The following CSMD1 variants were observed in gnomAD, a reference collection of about 807,000 sequenced individuals.
CSMD1 encodes CUB and sushi domain-containing protein 1.
CSMD1 carries 213 observed loss-of-function variants against 417.5 expected under a neutral mutation model. The observed-to-expected ratio is 0.51, with a 90% CI of 0.46 to 0.57. The LOEUF (loss-of-function observed/expected upper bound fraction) is 0.57. Among genes scored for constraint, CSMD1 ranks in the 20% least tolerant of loss-of-function variants. The probability of loss-of-function intolerance (pLI) is 0.00; values close to 1 mark genes in which losing one functional copy is unlikely to be tolerated. For synonymous variants in CSMD1, 2,862 were observed against 1,736.8 expected (o/e 1.65, Z -16.11); for missense variants, 6,923 against 4,529.7 (o/e 1.53, Z -15.17).
chr8:3,926,094 C>CACACACACACAAACACCATACAT (rs1809676350), intron 5 of CSMD1, among the ~76,000 whole-genome samples: 9 of 59,918 alleles, frequency 1.5e-4, no homozygotes, highest in African/African-American at 9.1e-4. Flanking sequence ...CACACACACA[C>CACACACACACAAACACCATACAT]ACACACACAC....
chr8:3,701,392 G>C (rs193135079), intron 7 of CSMD1, among the ~76,000 whole-genome samples: 6 of 152,252 alleles, frequency 3.9e-5, no homozygotes, highest in East Asian at 3.9e-4. Context: ...ATCCCAGAGA[G>C]AGAACAGTTG....
intron 25 of CSMD1, among the ~76,000 whole-genome samples, chr8:3,305,008 C>T (rs1165404994): frequency 6.6e-6 from 1 of 152,098 alleles, no homozygotes; most frequent in Non-Finnish European, 1.5e-5. Flanking sequence ...TCAAATCTAG[C>T]ATTTGTGAAT....
chr8:4,566,968 C>G (rs1366527180), intron 2 of CSMD1, among the ~76,000 whole-genome samples: 1 of 152,056 alleles, frequency 6.6e-6, no homozygotes, highest in African/African-American at 2.4e-5. Flanking sequence ...TTAGCAGTCT[C>G]TGGAGAAAAC....
Position 3,052,484 on chromosome 8 carries a change from C to G in CSMD1, c.7638G>C (p.Lys2546Asn). 6.3e-7 allele frequency: 1 copy of G among 1,585,862 alleles called. No homozygotes were observed. The highest frequency in any genetic ancestry group is 1.3e-5 in the African/African-American group (1 of 74,572). The change falls in exon 50 of 70, where the codon AAG (lysine) becomes AAC (asparagine). Residue 2546 changes from lysine (K) to asparagine (N), a missense_variant. Coordinates refer to ENST00000635120, the MANE Select transcript of CSMD1 (RefSeq NM_033225.6). ...TACGCTTACACGTGGGCGGCTTCCC[C>G]TTGTTACTCCACAACCCATCTTCTT... is the stretch of plus-strand genomic sequence containing the variant. Reference protein sequence around the residue: ...VCQEDGLWSNKGKPPTCKPVA... With the variant: ...VCQEDGLWSNNGKPPTCKPVA...
chr8:4,102,196 G>T (rs1273430236), intron 3 of CSMD1, among the ~76,000 whole-genome samples: 1 of 152,080 alleles, frequency 6.6e-6, no homozygotes, highest in East Asian at 1.9e-4. Flanking sequence ...ATGCTTTATT[G>T]TCTCTTTTGT....
chr8:3,548,468 C>G (rs533787861), intron 10 of CSMD1, among the ~76,000 whole-genome samples: 65 of 152,020 alleles, frequency 4.3e-4, no homozygotes, highest in African/African-American at 1.5e-3. Context: ...CTGCCTGAGT[C>G]CTCGAGGTCT....
At chr8:4,629,082 T>C (rs1158526722) in intron 2 of CSMD1, among the ~76,000 whole-genome samples, 1 of 152,202 alleles carries the variant, frequency 6.6e-6, no homozygotes, top group East Asian at 1.9e-4. Context: ...TCTACATTTA[T>C]ATACTTAGAC....
intron 3 of CSMD1, among the ~76,000 whole-genome samples, chr8:4,154,667 T>A (rs1563196425): frequency 6.6e-6 from 1 of 152,198 alleles, no homozygotes; most frequent in Admixed American, 6.5e-5. Context: ...GTCCCTTAGT[T>A]GATAACCTGA....
intron 2 of CSMD1, among the ~76,000 whole-genome samples, chr8:4,584,473 G>T (rs1412689902): frequency 3.3e-5 from 5 of 152,098 alleles, no homozygotes; most frequent in Non-Finnish European, 5.9e-5. Context: ...CCGGACTAAA[G>T]AAACGGGTGT....
intron 3 of CSMD1, among the ~76,000 whole-genome samples, chr8:4,389,828 G>C (rs772540751): frequency 8.6e-5 from 13 of 152,024 alleles, no homozygotes; most frequent in Non-Finnish European, 1.6e-4. Flanking sequence ...GTACTCTAAA[G>C]CATAATGTCT....
chr8:3,928,545 C>T (rs1327238020), intron 5 of CSMD1, among the ~76,000 whole-genome samples: 1 of 135,736 alleles, frequency 7.4e-6, no homozygotes, highest in Non-Finnish European at 1.6e-5. Flanking sequence ...CGTTTGTAGG[C>T]TTCGGTACTG....
chr8:4,767,409 C>G (rs1585066979), intron 1 of CSMD1, among the ~76,000 whole-genome samples: 1 of 152,160 alleles, frequency 6.6e-6, no homozygotes, highest in Admixed American at 6.5e-5. Context: ...TACCTGTGCA[C>G]TATCATTCTC....
At chr8:4,366,411 G>C (rs928728306) in intron 3 of CSMD1, among the ~76,000 whole-genome samples, 3 of 152,136 alleles carry the variant, frequency 2.0e-5, no homozygotes, top group African/African-American at 7.2e-5. Flanking sequence ...GTGTCTTTTT[G>C]ACAGAATGAT....
chr8:4,182,909 T>G (rs562487324), intron 3 of CSMD1, among the ~76,000 whole-genome samples: 10 of 152,142 alleles, frequency 6.6e-5, no homozygotes, highest in Admixed American at 6.5e-4. Context: ...AGAATGTAAT[T>G]GAAGACGGTG....
chr8:4,259,638 C>T (rs958611940), intron 3 of CSMD1, among the ~76,000 whole-genome samples: 1 of 151,982 alleles, frequency 6.6e-6, no homozygotes, highest in Non-Finnish European at 1.5e-5. Flanking sequence ...AGTCCTTACC[C>T]AAAACAATGC....
intron 5 of CSMD1, among the ~76,000 whole-genome samples, chr8:3,912,146 G>A (rs942224518): frequency 1.6e-4 from 24 of 152,028 alleles, no homozygotes; most frequent in Admixed American, 1.3e-4. Context: ...TATTTAACCT[G>A]ATTAATGGGA....
intron 5 of CSMD1, among the ~76,000 whole-genome samples, chr8:3,893,339 T>TTATATATATATATATATATATATA (rs56848640): frequency 0.051 from 4,030 of 79,424 alleles, 369 homozygotes; most frequent in South Asian, 0.065. Context: ...ATTCACAATT[T>TTATATATATATATATATATATATA]TATATATATA....
chr8:4,803,217 T>C (rs1219926461), intron 1 of CSMD1, among the ~76,000 whole-genome samples: 1 of 152,206 alleles, frequency 6.6e-6, no homozygotes, highest in Non-Finnish European at 1.5e-5. Context: ...TGAGGATAAA[T>C]TCCAAACTTT....
chr8:3,678,369 C>T (rs898264344), intron 7 of CSMD1, among the ~76,000 whole-genome samples: 1 of 152,090 alleles, frequency 6.6e-6, no homozygotes, highest in Non-Finnish European at 1.5e-5. Flanking sequence ...AAAACCATGG[C>T]ACGGGAACTA....
Sources: gnomAD v4.1 joint callset for allele counts (sites outside exome capture counted in the v4.1 genomes callset) on GRCh38, gnomAD v4.1.1 for gene constraint, MANE v1.5 for transcripts, NCBI Gene and HGNC (gene_info 2026-07-23, HGNC 2026-07-21) for gene names.